Variants in STOX2 observed in about 807,000 individuals in gnomAD.
STOX2 encodes the protein storkhead-box protein 2.
In STOX2, 28 loss-of-function variants were observed where a neutral mutation model predicts 60.9. The observed-to-expected ratio is 0.46, with a 90% CI of 0.34 to 0.63. The LOEUF (loss-of-function observed/expected upper bound fraction) is 0.63, where lower values mean the gene tolerates loss of function less well. STOX2 is among the 30% of genes least tolerant of loss of function. STOX2 has a pLI of 0.01. For missense variants in STOX2, 1,024 were observed against 1,187.7 expected (o/e 0.86, Z 2.03); for synonymous variants, 472 against 463.9 (o/e 1.02, Z -0.22).
intron 1 of STOX2, among the ~76,000 whole-genome samples, chr4:183,937,553 G>A (rs1383076735): frequency 1.3e-5 from 2 of 152,136 alleles, no homozygotes; most frequent in Non-Finnish European, 2.9e-5. Flanking sequence ...TTTAGAAATT[G>A]AGAGTAGGCA....
rs527932888 is a variant in STOX2 at position 183,856,357 on chromosome 4, C to T, written c.364+58302C>T. On this transcript the variant is annotated intron_variant, in intron 1 of 2. Coordinates refer to the STOX2 transcript ENST00000513034. The surrounding 1 kb of genome is among the most constrained non-coding windows in gnomAD (Gnocchi z 4.0). ...GAAGAGCACCCTTCAGGAGAACAGA[C>T]GCAAATACGCACAAACAGTTGCAAA... is the stretch of plus-strand genomic sequence containing the variant. Among the ~76,000 whole-genome samples, 5 of 152,306 alleles carry T rather than the reference C, an allele frequency of 3.3e-5. No homozygotes were observed. The highest frequency in any genetic ancestry group is 1.9e-4 in the East Asian group (1 of 5,194).
intron 1 of STOX2, among the ~76,000 whole-genome samples, chr4:183,922,777 A>G (rs1742139564): frequency 6.6e-6 from 1 of 152,068 alleles, no homozygotes; most frequent in Non-Finnish European, 1.5e-5. Context: ...TGCACCTATT[A>G]CACACTAACT....
chr4:183,911,507 T>A (rs1490730640), intron 1 of STOX2, among the ~76,000 whole-genome samples: 2 of 152,218 alleles, frequency 1.3e-5, no homozygotes, highest in East Asian at 3.8e-4. Context: ...TTACACTTGG[T>A]GGTGAATGAC....
Position 183,917,951 on chromosome 4 carries a change from G to A in STOX2, c.166+10995G>A, listed in dbSNP as rs368989120. Among the ~76,000 whole-genome samples, 18 of 152,334 alleles carry A rather than the reference G, an allele frequency of 1.2e-4. No homozygotes were observed. The East Asian group carries it at 2.1e-3, about 18-fold the overall frequency. ...AGTATCTAATTTATAGTTGTTAAAC[G>A]TGGATTAAATGAGCAAATGCAATCA... On this transcript the variant is annotated intron_variant, in intron 1 of 3. Coordinates refer to ENST00000308497, the MANE Select transcript of STOX2 (RefSeq NM_020225.3).
chr4:183,909,904 G>T (rs1741731242), intron 1 of STOX2, among the ~76,000 whole-genome samples: 1 of 152,200 alleles, frequency 6.6e-6, no homozygotes, highest in East Asian at 1.9e-4. Context: ...AGCTCAAGAG[G>T]TTAGAGCGGG....
intron 1 of STOX2, among the ~76,000 whole-genome samples, chr4:183,978,934 G>T (rs183430999): frequency 6.6e-6 from 1 of 152,050 alleles, no homozygotes; most frequent in Non-Finnish European, 1.5e-5. Context: ...ATCAAAAGAG[G>T]CCTCAATTTT....
upstream of STOX2, among the ~76,000 whole-genome samples, chr4:183,903,541 C>G (rs993012388): frequency 5.3e-5 from 8 of 152,118 alleles, no homozygotes; most frequent in African/African-American, 1.9e-4. Flanking sequence ...TTCTGTTTGC[C>G]CAGCACCCAT....
intron 1 of STOX2, among the ~76,000 whole-genome samples, chr4:183,823,545 A>C (rs1056248281): frequency 6.6e-6 from 1 of 152,228 alleles, no homozygotes; most frequent in East Asian, 1.9e-4. Flanking sequence ...CCTTAGGCTC[A>C]TAGACCTGGA....
intron 1 of STOX2, among the ~76,000 whole-genome samples, chr4:183,948,779 G>A (rs375907756): frequency 3.3e-5 from 5 of 151,878 alleles, no homozygotes; most frequent in South Asian, 2.1e-4. Flanking sequence ...TGATTCACCC[G>A]CCTCAGCCTC....
intron 1 of STOX2, among the ~76,000 whole-genome samples, chr4:183,999,719 T>C (rs1733504338): frequency 6.6e-6 from 1 of 152,174 alleles, no homozygotes; most frequent in Non-Finnish European, 1.5e-5. Context: ...CTGCCTGATT[T>C]CATCGAGCAA....
At chr4:183,972,829 G>T (rs1399914773) in intron 1 of STOX2, among the ~76,000 whole-genome samples, 2 of 151,312 alleles carry the variant, frequency 1.3e-5, no homozygotes, top group Non-Finnish European at 2.9e-5. Flanking sequence ...AGGTGTCACA[G>T]ATGTTGGAAT....
chr4:183,878,625 T>A (rs2111170343), intron 1 of STOX2, among the ~76,000 whole-genome samples: 1 of 152,324 alleles, frequency 6.6e-6, no homozygotes, highest in Non-Finnish European at 1.5e-5. Flanking sequence ...TGTGCACCTT[T>A]AATGAAAAAA....
intron 1 of STOX2, among the ~76,000 whole-genome samples, chr4:183,900,118 GC>G (rs1357134147): frequency 2.0e-5 from 3 of 152,182 alleles, no homozygotes; most frequent in Admixed American, 6.5e-5. Flanking sequence ...AATATTTTAA[GC>G]CCACTGTTGA....
intron 1 of STOX2, among the ~76,000 whole-genome samples, chr4:183,990,949 G>A (rs1408963677): frequency 2.0e-5 from 3 of 152,090 alleles, no homozygotes; most frequent in Admixed American, 1.3e-4. Context: ...AGAAGAAAGA[G>A]CCAGAATGGT....
intron 1 of STOX2, among the ~76,000 whole-genome samples, chr4:183,938,606 C>T (rs7375868): frequency 0.59 from 87,158 of 147,054 alleles, 27,876 homozygotes; most frequent in Non-Finnish European, 0.72. Flanking sequence ...GAGGCGGAGG[C>T]TGCAGTGAGC....
chr4:183,969,754 G>A (rs1743684140), intron 1 of STOX2, among the ~76,000 whole-genome samples: 1 of 152,050 alleles, frequency 6.6e-6, no homozygotes, highest in South Asian at 2.1e-4. Flanking sequence ...TGAGTAGCTG[G>A]GGCTCCAGGC....
chr4:183,930,597 A>G (rs1032481332), intron 1 of STOX2, among the ~76,000 whole-genome samples: 18 of 151,568 alleles, frequency 1.2e-4, no homozygotes, highest in Non-Finnish European at 2.6e-4. Flanking sequence ...TGTTCAAGCC[A>G]TCCTCCTGCC....
chr4:184,009,402 A>G lies in STOX2; in HGVS notation c.564A>G (p.Glu188=). 12 of 1,613,996 alleles carry G rather than the reference A, an allele frequency of 7.4e-6. No homozygotes were observed. The highest frequency in any genetic ancestry group is 1.0e-5 in the Non-Finnish European group (12 of 1,179,890). Residue 188 remains glutamate (E), a synonymous_variant, in exon 3 of 4, where the codon GAA becomes GAG. Transcript: ENST00000308497. This position sits in a 1 kb window ranked among gnomAD's most constrained non-coding sequence, Gnocchi z 4.0. ...ITPSASGCVR[E]RTLPRNHCDS... is the part of the protein sequence containing the mutation. ...CCTCTGCCTCAGGCTGTGTCAGGGA[A>G]AGGACATTGCCCCGAAACCACTGCG...
rs149084969 is a variant in STOX2 at position 183,807,117 on chromosome 4, C to T, written c.364+9062C>T. Among the ~76,000 whole-genome samples the T allele has an allele frequency of 7.2e-3, 1,092 of 152,198 alleles. 12 individuals are homozygous for T. Among genetic ancestry groups the T allele is most frequent in the African/African-American group, 0.025 (1,036 of 41,516 alleles). ...CCTCCCGAGTAGCTGGGACTGCAGG[C>T]GACCACCACCACGCCCAGCTAATTT... On this transcript the variant is annotated intron_variant, in intron 1 of 2. Transcript: ENST00000513034.
Sources: gnomAD v4.1 joint callset for allele counts (sites outside exome capture counted in the v4.1 genomes callset) on GRCh38, gnomAD v4.1.1 for gene constraint, Gnocchi (gnomAD v3.1) non-coding constraint, MANE v1.5 for transcripts, NCBI Gene and HGNC (gene_info 2026-07-23, HGNC 2026-07-21) for gene names.